The following LAMC3 variants were observed in gnomAD, a reference collection of about 807,000 sequenced individuals.
LAMC3 encodes laminin subunit gamma 3.
In LAMC3, 128 loss-of-function variants were observed where a neutral mutation model predicts 173.8. That is an observed-to-expected ratio of 0.74 (90% CI 0.64 to 0.85). The LOEUF is 0.85. Ranked by LOEUF, LAMC3 falls within the 40% of genes least tolerant of loss-of-function variation. The pLI is 0.00. For synonymous variants in LAMC3, 897 were observed against 909.1 expected (o/e 0.99, Z 0.24); for missense variants, 2,022 against 2,156.0 (o/e 0.94, Z 1.23).
At chr9:131,065,325 G>A (rs1415465515) in intron 13 of LAMC3, among the ~76,000 whole-genome samples, 2 of 152,184 alleles carry the variant, frequency 1.3e-5, no homozygotes, top group African/African-American at 2.4e-5. Flanking sequence ...TAACCTGGAG[G>A]CTGGAAGATG....
rs1420756942 is a variant in LAMC3 at position 131,066,983 on chromosome 9, G to A, written c.2371G>A (p.Asp791Asn). The change falls in exon 14 of 28, where the codon GAT (aspartate) becomes AAT (asparagine). Residue 791 changes from aspartate to asparagine, a missense_variant. Physicochemically the swap from Asp to Asn is conservative, Grantham distance 23. Transcript: ENST00000361069. ...AGGGCGGCGCTGTGAGGTCTGTGAT[G>A]ATGGCTTTTTTGGGGACCCGCTGGG... ...QRGRRCEVCD[D>N]GFFGDPLGLF... 1 of 1,613,970 alleles carries A rather than the reference G, an allele frequency of 6.2e-7. No homozygotes were observed. Among genetic ancestry groups the A allele is most frequent in the South Asian group, 1.1e-5 (1 of 91,084 alleles).
At position 131,036,190 on chromosome 9, in the gene LAMC3, C is replaced by T. The variant is rs746922176; in HGVS notation, c.834C>T (p.Ser278=). The T allele has an allele frequency of 8.7e-6, 14 of 1,613,086 alleles. No individual in the cohort carries two copies. Among genetic ancestry groups the T allele is most frequent in the East Asian group, 6.7e-5 (3 of 44,872 alleles). The change falls in exon 4 of 28, where the codon AGC becomes AGT. Residue 278 remains serine (S), a synonymous_variant. Transcript: ENST00000361069. The part of the protein sequence containing the change: ...GGRCKCNGHA[S]ECGPDVAGQL... ...GGTGCAAGTGCAACGGGCATGCCAG[C>T]GAGTGCGGCCCCGACGTGGCAGGCC... is the stretch of plus-strand genomic sequence containing the variant.
Position 131,052,972 on chromosome 9 carries a change from A to G in LAMC3, c.1939+7A>G. 2 of 1,598,212 alleles carry G rather than the reference A, an allele frequency of 1.3e-6. No individual in the cohort carries two copies. Among genetic ancestry groups the G allele is most frequent in the South Asian group, 1.1e-5 (1 of 90,712 alleles). On this transcript the variant is annotated splice_region_variant and intron_variant, in intron 11 of 27. Coordinates refer to ENST00000361069, the MANE Select transcript of LAMC3 (RefSeq NM_006059.4). ...CCCGGCCCCAGCCCTGCCGGTCAGT[A>G]AAGACAACCACATGCCCAAGACCCG...
intron 27 of LAMC3, among the ~76,000 whole-genome samples, chr9:131,088,369 C>T (rs1830365431): frequency 6.6e-6 from 1 of 151,978 alleles, no homozygotes; most frequent in Non-Finnish European, 1.5e-5. Context: ...TACCACGGTG[C>T]GTGGTGTATG....
At chr9:131,082,799 A>G (rs1830263535) in intron 24 of LAMC3, among the ~76,000 whole-genome samples, 1 of 152,196 alleles carries the variant, frequency 6.6e-6, no homozygotes, top group African/African-American at 2.4e-5. Context: ...TAAGGCAGGA[A>G]CACACTCTGA....
Position 131,072,733 on chromosome 9 carries a change from GGC to G in LAMC3, c.3316_3317del (p.Ala1106ArgfsTer125). 1 of 1,612,920 alleles carries G rather than the reference GGC, an allele frequency of 6.2e-7. No homozygotes were observed. Among genetic ancestry groups the G allele is most frequent in the Non-Finnish European group, 8.5e-7 (1 of 1,179,760 alleles). On this transcript the variant is annotated frameshift_variant, in exon 19 of 28. Transcript: ENST00000361069. LOFTEE classifies it high-confidence loss of function. ...TGAACAAGGGTGCCCGCTGTGCCCA[GGC>G]CGGATCCCAGAAGACCTGCACCCAG... ...RLNKGARCAQAGSQKTCTQLA... is the reference protein window; with the variant it reads ...RLNKGARCAQXGSQKTCTQLA...
chr9:131,009,450 C>A lies in LAMC3; in HGVS notation c.236C>A (p.Ala79Asp). ...GAGAHCQRCD[A>D]ADPQRHHNAS... ...GGGGCTCATTGCCAGCGCTGCGACG[C>A]CGCCGACCCCCAGCGCCACCACAAC... is the stretch of plus-strand genomic sequence containing the variant. Residue 79 changes from alanine to aspartate, a missense_variant, in exon 1 of 28, where the codon GCC (alanine) becomes GAC (aspartate). Transcript: ENST00000361069. The surrounding 1 kb of genome is among the most constrained non-coding windows in gnomAD (Gnocchi z 4.3). The A allele has an allele frequency of 1.3e-6, 2 of 1,547,160 alleles. No homozygotes were observed. The highest frequency in any genetic ancestry group is 1.7e-6 in the Non-Finnish European group (2 of 1,146,404).
At chr9:131,090,989 C>T (rs899511409) in intron 27 of LAMC3, among the ~76,000 whole-genome samples, 3 of 152,216 alleles carry the variant, frequency 2.0e-5, no homozygotes. Flanking sequence ...CCACTGCACT[C>T]CAGCCTGGAC....
At position 131,036,302 on chromosome 9, in the gene LAMC3, G is replaced by T; in HGVS notation, c.946G>T (p.Gly316Cys). 6.2e-7 allele frequency: 1 copy of T among 1,613,212 alleles called. No individual in the cohort carries two copies. The highest frequency in any genetic ancestry group is 1.1e-5 in the South Asian group (1 of 91,056). The change falls in exon 4 of 28, where the codon GGC becomes TGC. Residue 316 changes from glycine (G) to cysteine (C), a missense_variant. Coordinates refer to ENST00000361069, the MANE Select transcript of LAMC3 (RefSeq NM_006059.4). The stretch of plus-strand genomic sequence containing the variant: ...CTTCCAGGACCGCCCGTGGGCCCGG[G>T]GCACCGCCGAGGCTGCCCACGAGTG... Reference protein sequence around the residue: ...PFFQDRPWARGTAEAAHECLP... With the variant: ...PFFQDRPWARCTAEAAHECLP...
chr9:131,046,315 A>ACCTCAG (rs1365256295), intron 8 of LAMC3, among the ~76,000 whole-genome samples: 1 of 141,374 alleles, frequency 7.1e-6, no homozygotes, highest in Non-Finnish European at 1.5e-5. Flanking sequence ...TGATCCTCCC[A>ACCTCAG]CCTCAGCCTC....
In LAMC3 at chr9:131,036,191, G is replaced by A. The variant is rs776309232; in HGVS notation, c.835G>A (p.Glu279Lys). The part of the protein sequence containing the change: ...GRCKCNGHAS[E>K]CGPDVAGQLA... ...GTGCAAGTGCAACGGGCATGCCAGCGAGTGCGGCCCCGACGTGGCAGGCCA... is the reference window on the plus strand; with the variant it reads ...GTGCAAGTGCAACGGGCATGCCAGCAAGTGCGGCCCCGACGTGGCAGGCCA... The change falls in exon 4 of 28, where the codon GAG (glutamate) becomes AAG (lysine). Residue 279 changes from glutamate to lysine, a missense_variant. Physicochemically the swap from Glu to Lys is moderately conservative, Grantham distance 56 (BLOSUM62 1). Coordinates refer to ENST00000361069, the MANE Select transcript of LAMC3 (RefSeq NM_006059.4). 6.1e-5 allele frequency: 99 copies of A among 1,613,048 alleles called. No homozygotes were observed. Among genetic ancestry groups the A allele is most frequent in the East Asian group, 4.2e-4 (19 of 44,874 alleles).
intron 2 of LAMC3, among the ~76,000 whole-genome samples, chr9:131,031,786 C>T (rs1433171082): frequency 6.6e-6 from 1 of 152,164 alleles, no homozygotes; most frequent in Non-Finnish European, 1.5e-5. Context: ...TATTTTTGTT[C>T]CAATTCACAG....
intron 3 of LAMC3, among the ~76,000 whole-genome samples, chr9:131,034,453 G>A (rs1227081143): frequency 2.0e-5 from 3 of 152,266 alleles, no homozygotes; most frequent in African/African-American, 4.8e-5. Context: ...CGCAACAGCG[G>A]TTGGTGATTC....
At chr9:131,012,316 C>T (rs993814864) in intron 1 of LAMC3, among the ~76,000 whole-genome samples, 27 of 152,156 alleles carry the variant, frequency 1.8e-4, no homozygotes, top group African/African-American at 5.8e-4. Context: ...ACTGGGCAAG[C>T]GGAGTCCCCT....
chr9:131,069,183 C>T (rs1418862486), intron 16 of LAMC3, 133 bp downstream of exon 16: 16 of 1,067,340 alleles, frequency 1.5e-5, no homozygotes, highest in Middle Eastern at 3.0e-4. Context: ...CGAGAGCAGC[C>T]GGAAGCATGG....
At chr9:131,054,001 T>TC in intron 11 of LAMC3, among the ~76,000 whole-genome samples, 1 of 145,924 alleles carries the variant, frequency 6.9e-6, no homozygotes, top group South Asian at 2.2e-4. Flanking sequence ...AGACCTTGTC[T>TC]CTAAAAAAAA....
chr9:131,070,614 G>A (rs1002408226), intron 17 of LAMC3, among the ~76,000 whole-genome samples: 1 of 152,168 alleles, frequency 6.6e-6, no homozygotes, highest in African/African-American at 2.4e-5. Flanking sequence ...GGGAGGCTGA[G>A]GCAGGAGAAT....
intron 15 of LAMC3, 113 bp from the exon 16 acceptor site, chr9:131,068,795 G>A: frequency 8.9e-7 from 1 of 1,126,906 alleles, no homozygotes; most frequent in Non-Finnish European, 1.3e-6. Context: ...GAGGAGATGG[G>A]GTCTTGTCAG....
chr9:131,032,743 A>G (rs1564368699), intron 3 of LAMC3, among the ~76,000 whole-genome samples: 2 of 152,036 alleles, frequency 1.3e-5, no homozygotes, highest in Non-Finnish European at 2.9e-5. Context: ...ATCTCAGCTC[A>G]CTGCAACCTC....
Sources: gnomAD v4.1 joint callset for allele counts (sites outside exome capture counted in the v4.1 genomes callset) on GRCh38, gnomAD v4.1.1 for gene constraint, Gnocchi (gnomAD v3.1) non-coding constraint, MANE v1.5 for transcripts, NCBI Gene and HGNC (gene_info 2026-07-23, HGNC 2026-07-21) for gene names.